EMC1: variants seen among roughly 807,000 people sequenced by gnomAD.
EMC1 encodes the protein ER membrane protein complex subunit 1.
Under a neutral mutation model 128.8 loss-of-function variants are expected in EMC1, and 103 were observed. The ratio of observed to expected loss-of-function variants is 0.80; its 90% confidence interval spans 0.68 to 0.94. EMC1 has a LOEUF of 0.94. Among genes scored for constraint, EMC1 ranks in the 40% least tolerant of loss-of-function variants. The pLI is 0.00. For synonymous variants in EMC1, 442 were observed against 490.4 expected (o/e 0.90, Z 1.30); for missense variants, 1,083 against 1,250.6 (o/e 0.87, Z 2.02).
intron 15 of EMC1, 78 bp from the exon 16 acceptor site, chr1:19,231,500 T>TC: frequency 2.8e-6 from 4 of 1,428,538 alleles, no homozygotes; most frequent in Non-Finnish European, 3.8e-6. Context: ...GAGCTGGGAC[T>TC]CCAGCTCAAC....
rs764618858 is a variant in EMC1 at position 19,233,101 on chromosome 1, C to T, written c.1467G>A (p.Ser489=). 1.1e-5 allele frequency: 17 copies of T among 1,614,108 alleles called. No individual in the cohort carries two copies. Among genetic ancestry groups the T allele is most frequent in the Admixed American group, 3.3e-5 (2 of 60,014 alleles). Residue 489 remains serine, a synonymous_variant, in exon 14 of 23, where the codon TCG becomes TCA. Coordinates refer to ENST00000477853, the MANE Select transcript of EMC1 (RefSeq NM_015047.3). ...GLLGMFLKRL[S]SQLILLQAWT... ...ATGCTTGCAGCAGGATAAGCTGAGA[C>T]GAGAGGCGTTTCAGGAACATCCCCA...
intron 12 of EMC1, among the ~76,000 whole-genome samples, chr1:19,236,232 C>T (rs539363533): frequency 4.0e-5 from 6 of 151,692 alleles, no homozygotes; most frequent in South Asian, 2.1e-4. Context: ...ACAAAATTAG[C>T]GCCTATAATC....
chr1:19,229,539 G>A (rs57420253), intron 17 of EMC1: 1 of 152,070 alleles, frequency 6.6e-6, no homozygotes, highest in Admixed American at 6.5e-5. Flanking sequence ...CCACACTCCA[G>A]TTCACTCCCC....
At chr1:19,240,012 T>A in intron 7 of EMC1, 27 bp from the exon 8 acceptor site, 1 of 1,598,520 alleles carries the variant, frequency 6.3e-7, no homozygotes, top group Non-Finnish European at 8.5e-7. Flanking sequence ...AGGAGGATTA[T>A]GGCTAACAGC....
Position 19,219,640 on chromosome 1 carries a change from T to C in EMC1, c.2731A>G (p.Asn911Asp), listed in dbSNP as rs2151933760. 6.2e-7 allele frequency: 1 copy of C among 1,614,106 alleles called. No homozygotes were observed. The highest frequency in any genetic ancestry group is 8.5e-7 in the Non-Finnish European group (1 of 1,180,016). The change falls in exon 22 of 23, where the codon AAC (asparagine) becomes GAC (aspartate). Residue 911 changes from asparagine (N) to aspartate (D), a missense_variant. By Grantham distance (23) the Asn-to-Asp change is conservative (BLOSUM62 1). Coordinates refer to ENST00000477853, the MANE Select transcript of EMC1 (RefSeq NM_015047.3). ...ATTCGAGAAACTGTCTGGTTATAGT[T>C]GATGAATCGCTCTGCGTGTATCTGT... ...DVQIHAERFI[N>D]YNQTVSRMRG...
chr1:19,235,183 AG>A lies in EMC1; in HGVS notation c.1378del (p.Leu460SerfsTer3). The A allele has an allele frequency of 6.2e-7, 1 of 1,613,686 alleles. No homozygotes were observed. The highest frequency in any genetic ancestry group is 1.1e-5 in the South Asian group (1 of 91,010). ...AEVVCLEMVD[L>X]PLTGAQAELE... The stretch of plus-strand genomic sequence containing the variant: ...CTCGGCCTGTGCCCCAGTCAGGGGG[AG>A]GTCCACCATCTCTAGGCACACCACT... On this transcript the variant is annotated frameshift_variant, in exon 13 of 23. Coordinates refer to ENST00000477853, the MANE Select transcript of EMC1 (RefSeq NM_015047.3). LOFTEE classifies it high-confidence loss of function.
Position 19,243,996 on chromosome 1 carries a change from C to T in EMC1, c.240G>A (p.Lys80=). 1 of 1,614,102 alleles carries T rather than the reference C, an allele frequency of 6.2e-7. No homozygotes were observed. Among genetic ancestry groups the T allele is most frequent in the Non-Finnish European group, 8.5e-7 (1 of 1,180,016 alleles). Residue 80 remains lysine, a synonymous_variant, in exon 3 of 23, where the codon AAG becomes AAA. Transcript: ENST00000477853. ...TGEILWRHVD[K]GTAEGAVDAM... ...CATCCACAGCCCCTTCTGCCGTGCC[C>T]TTGTCAACATGGCGCCACACTGAGA...
At chr1:19,225,012 A>G (rs1416063323) in intron 18 of EMC1, among the ~76,000 whole-genome samples, 1 of 152,140 alleles carries the variant, frequency 6.6e-6, no homozygotes, top group Non-Finnish European at 1.5e-5. Context: ...CCCGACTTAC[A>G]CTGTACCTGC....
chr1:19,245,591 T>A (rs2093628132), intron 1 of EMC1, among the ~76,000 whole-genome samples: 3 of 151,666 alleles, frequency 2.0e-5, no homozygotes, highest in Non-Finnish European at 4.4e-5. Context: ...ATATTTACCT[T>A]CAGATAAGTG....
At chr1:19,221,214 CT>C (rs1031264317) in intron 20 of EMC1, 4 of 182,996 alleles carry the variant, frequency 2.2e-5, no homozygotes, top group African/African-American at 9.5e-5. Flanking sequence ...GCAAACGCAG[CT>C]GTTCATGCAG....
intron 16 of EMC1, 73 bp from the exon 17 acceptor site, chr1:19,231,036 T>G: frequency 6.4e-7 from 1 of 1,571,080 alleles, no homozygotes; most frequent in Non-Finnish European, 8.7e-7. Flanking sequence ...AGAATAAAAC[T>G]GCAAATCAGT....
At position 19,238,018 on chromosome 1, in the gene EMC1, C is replaced by T. The variant is rs751785102; in HGVS notation, c.1211G>A (p.Arg404Gln). 1.2e-5 allele frequency: 20 copies of T among 1,613,212 alleles called. No individual in the cohort carries two copies. Among genetic ancestry groups the T allele is most frequent in the South Asian group, 9.9e-5 (9 of 90,864 alleles). Residue 404 changes from arginine to glutamine, a missense_variant and splice_region_variant, in exon 11 of 23, where the codon CGG (arginine) becomes CAG (glutamine). Arg to Gln is a conservative substitution (Grantham distance 43). Coordinates refer to ENST00000477853, the MANE Select transcript of EMC1 (RefSeq NM_015047.3). The part of the protein sequence containing the change: ...SLEQSGTRPE[R>Q]LYIQVFLKKD... ...CTGCAAAGAAAGGCTCTGCCTTACC[C>T]GCTCAGGCCGAGTGCCGCTCTGTTC... is the stretch of plus-strand genomic sequence containing the variant.
chr1:19,241,743 G>C (rs1313228427), intron 5 of EMC1, among the ~76,000 whole-genome samples: 3 of 152,158 alleles, frequency 2.0e-5, no homozygotes, highest in Admixed American at 2.0e-4. Context: ...CTGAGCTCAA[G>C]TGATCTACCC....
At chr1:19,244,764 A>G in intron 2 of EMC1, 142 bp downstream of exon 2, 1 of 790,862 alleles carries the variant, frequency 1.3e-6, no homozygotes. Context: ...GTAAGACTGA[A>G]AAAAAAAAAG....
rs1042559944 is a variant in EMC1 at position 19,243,473 on chromosome 1, C to T, written c.380+141G>A. 3 of 724,688 alleles carry T rather than the reference C, an allele frequency of 4.1e-6. No homozygotes were observed. The African/African-American group carries it at 5.3e-5, about 13-fold the overall frequency. The allele number at this position is 724,688 out of a possible 1,614,324, so 44.9% of individuals were successfully genotyped here. The stretch of plus-strand genomic sequence containing the variant: ...TACATGTTGGCTGAGCAAGCATATC[C>T]ACAATGGGTACTCAATGTCAATGGC... On this transcript the variant is annotated intron_variant, in intron 4 of 22. Transcript: ENST00000477853.
rs777451844 is a variant in EMC1, at chr1:19,232,656, G to T, written c.1750C>A (p.Pro584Thr). The T allele has an allele frequency of 6.2e-7, 1 of 1,614,198 alleles. No homozygotes were observed. The highest frequency in any genetic ancestry group is 1.1e-5 in the South Asian group (1 of 91,084). ...VQRTTAHFPH[P>T]PQCTLLVKDK... ...TTCACCAGCAGGGTGCACTGTGGGG[G>T]ATGGGGGAAATGAGCAGTAGTTCTC... Residue 584 changes from proline to threonine, a missense_variant, in exon 15 of 23, where the codon CCC becomes ACC. This residue lies in a region of EMC1 where 527 missense variants were observed against 644.1 expected (regional missense o/e 0.82). Transcript: ENST00000477853.
At position 19,222,665 on chromosome 1, in the gene EMC1, G is replaced by A. The variant is rs1244489317; in HGVS notation, c.2546C>T (p.Ala849Val). The change falls in exon 20 of 23, where the codon GCC becomes GTC. Residue 849 changes from alanine (A) to valine (V), a missense_variant. Coordinates refer to ENST00000477853, the MANE Select transcript of EMC1 (RefSeq NM_015047.3). ...IFPSSISAME[A>V]TITERGITSR... is the part of the protein sequence containing the mutation. ...GGTGATGCCCCGTTCGGTGATGGTG[G>A]CCTCCATGGCACTGATGGAGGACGG... The A allele has an allele frequency of 6.2e-7, 1 of 1,614,000 alleles. No homozygotes were observed. Among genetic ancestry groups the A allele is most frequent in the Non-Finnish European group, 8.5e-7 (1 of 1,180,010 alleles).
At position 19,219,290 on chromosome 1, in the gene EMC1, CA is replaced by C. The variant is rs2093413121; in HGVS notation, c.*12del. On this transcript the variant is annotated 3_prime_UTR_variant, in exon 23 of 23. Transcript: ENST00000477853. ...TCCCCTGGCTCTCCACTTTTAGGCA[CA>C]GTCTTTGTTCTTTATCGCCAGGCCC... 6.2e-7 allele frequency: 1 copy of C among 1,613,924 alleles called. No homozygotes were observed. Among genetic ancestry groups the C allele is most frequent in the Non-Finnish European group, 8.5e-7 (1 of 1,179,934 alleles).
chr1:19,231,817 T>G (rs187417625), intron 15 of EMC1, among the ~76,000 whole-genome samples: 2 of 152,232 alleles, frequency 1.3e-5, no homozygotes, highest in Admixed American at 1.3e-4. Flanking sequence ...AGAGAGGGGT[T>G]TCACCATGTT....
Sources: allele counts gnomAD v4.1 joint callset (sites outside exome capture counted in the v4.1 genomes callset), GRCh38; gene constraint gnomAD v4.1.1; regional missense constraint gnomAD v4.1.1; transcripts MANE v1.5; gene names NCBI Gene and HGNC (gene_info 2026-07-23, HGNC 2026-07-21).